Variants in TTC27 observed in about 807,000 individuals in gnomAD.
The protein encoded by TTC27 is tetratricopeptide repeat protein 27.
A neutral mutation model predicts 115.9 loss-of-function variants in TTC27; 79 were observed. That is an observed-to-expected ratio of 0.68 (90% CI 0.57 to 0.82). The LOEUF (loss-of-function observed/expected upper bound fraction) is 0.82, where lower values mean the gene tolerates loss of function less well. Ranked by LOEUF, TTC27 falls within the 40% of genes least tolerant of loss-of-function variation. The pLI is 0.00. For synonymous variants in TTC27, 401 were observed against 356.0 expected (o/e 1.13, Z -1.42); for missense variants, 1,054 against 993.1 (o/e 1.06, Z -0.82).
At chr2:32,641,593 A>C (rs974480822) in intron 4 of TTC27, among the ~76,000 whole-genome samples, 1 of 152,252 alleles carries the variant, frequency 6.6e-6, no homozygotes, top group Non-Finnish European at 1.5e-5. Context: ...GGTGTGCTGC[A>C]GACCCCATAG....
chr2:32,672,248 G>A (rs749006795), intron 7 of TTC27, 24 bp from the exon 8 acceptor site: 4 of 1,564,606 alleles, frequency 2.6e-6, no homozygotes, highest in Non-Finnish European at 3.5e-6. Context: ...TTTGGTCTAA[G>A]TATTTTCTTT....
chr2:32,664,789 C>G, intron 6 of TTC27, among the ~76,000 whole-genome samples: 1 of 151,384 alleles, frequency 6.6e-6, no homozygotes, highest in Non-Finnish European at 1.5e-5. Flanking sequence ...TTTGGCCTCT[C>G]TGCATTGCCC....
At chr2:32,741,624 C>T (rs1572566951) in intron 12 of TTC27, among the ~76,000 whole-genome samples, 1 of 151,468 alleles carries the variant, frequency 6.6e-6, no homozygotes, top group South Asian at 2.1e-4. Flanking sequence ...TGCCCTCCAG[C>T]CTGGGTGACA....
At chr2:32,679,573 GA>G (rs1192365504) in intron 9 of TTC27, among the ~76,000 whole-genome samples, 3 of 152,166 alleles carry the variant, frequency 2.0e-5, no homozygotes, top group African/African-American at 7.2e-5. Context: ...AGTTGCTTAA[GA>G]TATATCATTT....
At chr2:32,728,783 G>A (rs1424886659) in intron 10 of TTC27, among the ~76,000 whole-genome samples, 1 of 152,140 alleles carries the variant, frequency 6.6e-6, no homozygotes, top group African/African-American at 2.4e-5. Context: ...TAATGATGGT[G>A]TTGATACTTA....
At chr2:32,658,416 G>C (rs1432692531) in intron 5 of TTC27, among the ~76,000 whole-genome samples, 1 of 152,158 alleles carries the variant, frequency 6.6e-6, no homozygotes, top group Non-Finnish European at 1.5e-5. Context: ...TGCCCAGCCT[G>C]AGCTCAATTT....
intron 9 of TTC27, among the ~76,000 whole-genome samples, chr2:32,691,972 G>C (rs1666826972): frequency 6.7e-6 from 1 of 148,830 alleles, no homozygotes. Context: ...GGTTGCAAAT[G>C]GCATGAGGTT....
At chr2:32,766,128 C>T (rs1054021827) in intron 13 of TTC27, among the ~76,000 whole-genome samples, 3 of 152,228 alleles carry the variant, frequency 2.0e-5, no homozygotes, top group Non-Finnish European at 4.4e-5. Flanking sequence ...CAGTTTTCGA[C>T]ATGCCTTTCT....
rs1203672940 is a variant in TTC27 at position 32,736,703 on chromosome 2, G to A, written c.1339G>A (p.Ala447Thr). Residue 447 changes from alanine (A) to threonine (T), a missense_variant, in exon 12 of 20, where the codon GCA (alanine) becomes ACA (threonine). By Grantham distance (58) the Ala-to-Thr change is moderately conservative (BLOSUM62 0). Transcript: ENST00000317907. ...PPHWAIQRQL[A>T]SLLFELGCTS... ...TACTTGATTTTTCTAGCGCCAACTT[G>A]CAAGTTTGCTCTTTGAGTTGGGATG... The A allele has an allele frequency of 3.1e-6, 5 of 1,613,694 alleles. No homozygotes were observed. Among genetic ancestry groups the A allele is most frequent in the Non-Finnish European group, 4.2e-6 (5 of 1,179,808 alleles).
chr2:32,706,473 C>G (rs1459986379), intron 10 of TTC27, among the ~76,000 whole-genome samples: 1 of 152,062 alleles, frequency 6.6e-6, no homozygotes, highest in Non-Finnish European at 1.5e-5. Context: ...AAAAATAAAT[C>G]CACAGACAGA....
At chr2:32,792,526 A>G (rs947891507) in intron 16 of TTC27, among the ~76,000 whole-genome samples, 3 of 152,094 alleles carry the variant, frequency 2.0e-5, no homozygotes, top group Non-Finnish European at 2.9e-5. Context: ...GAAAAAGACA[A>G]TGCTAAACTG....
intron 5 of TTC27, among the ~76,000 whole-genome samples, chr2:32,660,336 A>G (rs1192429721): frequency 6.6e-6 from 1 of 151,962 alleles, no homozygotes; most frequent in Admixed American, 6.6e-5. Context: ...GTCTGCTCAT[A>G]TCTTTCAACC....
chr2:32,712,775 G>C (rs542434991), intron 10 of TTC27, among the ~76,000 whole-genome samples: 2 of 152,074 alleles, frequency 1.3e-5, no homozygotes, highest in African/African-American at 2.4e-5. Flanking sequence ...TTGAACTCCT[G>C]GGCTTAAGCT....
chr2:32,734,126 A>G (rs1023767461), intron 11 of TTC27, among the ~76,000 whole-genome samples: 3 of 152,244 alleles, frequency 2.0e-5, no homozygotes, highest in Non-Finnish European at 4.4e-5. Flanking sequence ...TTTTTAAAAT[A>G]ATTTAAAATC....
At chr2:32,648,768 T>G (rs955253935) in intron 4 of TTC27, among the ~76,000 whole-genome samples, 11 of 152,134 alleles carry the variant, frequency 7.2e-5, no homozygotes, top group Admixed American at 7.2e-4. Context: ...CCCAGCACTT[T>G]GGGAGGCCAA....
intron 9 of TTC27, among the ~76,000 whole-genome samples, chr2:32,680,712 G>A (rs141054174): frequency 1.1e-3 from 167 of 152,272 alleles, no homozygotes; most frequent in African/African-American, 3.8e-3. Context: ...AGTAAACAGC[G>A]ATGTGGCATA....
chr2:32,760,510 T>A (rs1397113498), intron 13 of TTC27, among the ~76,000 whole-genome samples: 1 of 152,140 alleles, frequency 6.6e-6, no homozygotes, highest in Non-Finnish European at 1.5e-5. Context: ...ATAAAGATTA[T>A]CTGGCCTGTC....
chr2:32,681,149 A>G (rs1666410051), intron 9 of TTC27, among the ~76,000 whole-genome samples: 1 of 152,146 alleles, frequency 6.6e-6, no homozygotes, highest in African/African-American at 2.4e-5. Flanking sequence ...GATTACAATG[A>G]CTCACAGTGC....
intron 16 of TTC27, among the ~76,000 whole-genome samples, chr2:32,794,981 G>C (rs1294355528): frequency 6.6e-6 from 1 of 152,010 alleles, no homozygotes; most frequent in East Asian, 1.9e-4. Flanking sequence ...TGGACCTGAT[G>C]GATTCACTGG....
Sources: gnomAD v4.1 joint callset for allele counts (sites outside exome capture counted in the v4.1 genomes callset) on GRCh38, gnomAD v4.1.1 for gene constraint, MANE v1.5 for transcripts, NCBI Gene and HGNC (gene_info 2026-07-23, HGNC 2026-07-21) for gene names.